Variants in MAD1L1 observed in about 807,000 individuals in gnomAD.
MAD1L1 encodes the protein mitotic arrest deficient 1 like 1, also known as mitotic spindle assembly checkpoint protein MAD1.
In MAD1L1, 95 loss-of-function variants were observed where a neutral mutation model predicts 96.9. The ratio of observed to expected loss-of-function variants is 0.98; its 90% CI spans 0.83 to 1.16. The LOEUF is 1.16. Among genes scored for constraint, MAD1L1 ranks in the 50% most tolerant of loss-of-function variants. MAD1L1 has a pLI of 0.00. For missense variants in MAD1L1, 1,007 were observed against 954.4 expected (o/e 1.06, Z -0.73); for synonymous variants, 473 against 396.6 (o/e 1.19, Z -2.29).
chr7:2,228,261 T>C (rs1283761118), intron 3 of MAD1L1, among the ~76,000 whole-genome samples: 1 of 151,952 alleles, frequency 6.6e-6, no homozygotes, highest in Non-Finnish European at 1.5e-5. Context: ...TTCGCAACAC[T>C]AAAATCACAG....
intron 18 of MAD1L1, among the ~76,000 whole-genome samples, chr7:1,881,797 C>T (rs1785697187): frequency 6.6e-6 from 1 of 152,206 alleles, no homozygotes; most frequent in South Asian, 2.1e-4. Context: ...CGACCCGAGG[C>T]CCATGGTGCC....
intron 10 of MAD1L1, among the ~76,000 whole-genome samples, chr7:2,199,793 G>A (rs571420995): frequency 6.6e-6 from 1 of 152,326 alleles, no homozygotes; most frequent in African/African-American, 2.4e-5. Context: ...CAGACTCCGC[G>A]GTAAGGCCAC....
At chr7:1,980,137 G>A (rs944407598) in intron 15 of MAD1L1, among the ~76,000 whole-genome samples, 8 of 152,114 alleles carry the variant, frequency 5.3e-5, no homozygotes, top group African/African-American at 9.7e-5. Context: ...GCCGGTGGAC[G>A]TGTCTCCCGC....
chr7:1,989,433 G>A (rs1352533119), intron 14 of MAD1L1, among the ~76,000 whole-genome samples: 1 of 152,282 alleles, frequency 6.6e-6, no homozygotes, highest in African/African-American at 2.4e-5. Context: ...GAAGCAACCT[G>A]TTGATCTCCG....
At chr7:1,824,111 G>C (rs1782267559) in intron 18 of MAD1L1, among the ~76,000 whole-genome samples, 1 of 152,154 alleles carries the variant, frequency 6.6e-6, no homozygotes. Context: ...GAAAATGGCA[G>C]GTAGTCAGCC....
intron 11 of MAD1L1, among the ~76,000 whole-genome samples, chr7:2,105,574 C>T (rs1160314905): frequency 3.3e-5 from 5 of 152,240 alleles, no homozygotes; most frequent in South Asian, 2.1e-4. Context: ...CAGGAAGTAA[C>T]GAGGCCAGGA....
At chr7:2,008,773 G>A (rs550471195) in intron 13 of MAD1L1, among the ~76,000 whole-genome samples, 17 of 127,530 alleles carry the variant, frequency 1.3e-4, no homozygotes, top group Middle Eastern at 8.8e-3. Context: ...GGAAGCTCAG[G>A]GGGGGAAGGA....
At chr7:2,102,208 TCACCAC>T (rs1786818035) in intron 11 of MAD1L1, among the ~76,000 whole-genome samples, 1 of 148,050 alleles carries the variant, frequency 6.8e-6, no homozygotes, top group Non-Finnish European at 1.5e-5. Flanking sequence ...ACCGTCACCG[TCACCAC>T]CGCCACCGTC....
intron 10 of MAD1L1, among the ~76,000 whole-genome samples, chr7:2,197,604 C>T (rs1792060915): frequency 6.6e-6 from 1 of 152,200 alleles, no homozygotes; most frequent in Non-Finnish European, 1.5e-5. Flanking sequence ...GCAGAGCTCT[C>T]TGACCCGGTG....
intron 17 of MAD1L1, among the ~76,000 whole-genome samples, chr7:1,918,932 G>A (rs956881268): frequency 1.8e-4 from 28 of 152,114 alleles, no homozygotes; most frequent in Admixed American, 7.9e-4. Context: ...AGAGCACGTG[G>A]CAGGGCAGGG....
At chr7:1,957,030 G>A (rs1221606941) in intron 16 of MAD1L1, among the ~76,000 whole-genome samples, 6 of 152,208 alleles carry the variant, frequency 3.9e-5, no homozygotes, top group Non-Finnish European at 7.3e-5. Context: ...TCTGGTGGGC[G>A]GGCAGCAGCC....
At chr7:2,100,622 G>A (rs998662782) in intron 11 of MAD1L1, among the ~76,000 whole-genome samples, 1 of 152,274 alleles carries the variant, frequency 6.6e-6, no homozygotes, top group African/African-American at 2.4e-5. Context: ...GCTGCAAACC[G>A]GAAGGCGTCC....
intron 18 of MAD1L1, among the ~76,000 whole-genome samples, chr7:1,870,824 CCAT>C (rs1321921798): frequency 0.63 from 44,399 of 70,812 alleles, 16,542 homozygotes; most frequent in African/African-American, 0.8. Context: ...GCTGAACCGA[CCAT>C]AACACCTGCC....
intron 12 of MAD1L1, among the ~76,000 whole-genome samples, chr7:2,058,243 C>G (rs111161360): frequency 1.7e-3 from 1 of 598 alleles, no homozygotes; most frequent in East Asian, 0.028. Context: ...AGAGGAGAGG[C>G]GCGGGGCTGG....
chr7:2,201,134 T>G (rs957613020), intron 10 of MAD1L1, among the ~76,000 whole-genome samples: 1 of 152,134 alleles, frequency 6.6e-6, no homozygotes, highest in Non-Finnish European at 1.5e-5. Flanking sequence ...GAATGTTGGG[T>G]GGGGAGCTGT....
chr7:2,200,110 G>A (rs931265905), intron 10 of MAD1L1, among the ~76,000 whole-genome samples: 7 of 152,178 alleles, frequency 4.6e-5, no homozygotes, highest in African/African-American at 9.6e-5. Flanking sequence ...GCGCACCCAC[G>A]ACAGGTGGAG....
At chr7:2,135,934 C>G (rs1788728031) in intron 11 of MAD1L1, among the ~76,000 whole-genome samples, 1 of 152,128 alleles carries the variant, frequency 6.6e-6, no homozygotes, top group Admixed American at 6.5e-5. Flanking sequence ...TGATCAGGAC[C>G]ACGCGGCCCA....
chr7:2,082,138 C>A (rs960471003), intron 11 of MAD1L1, among the ~76,000 whole-genome samples: 1 of 151,844 alleles, frequency 6.6e-6, no homozygotes, highest in East Asian at 1.9e-4. Flanking sequence ...GGAACACCTG[C>A]GCAGGAGATG....
intron 11 of MAD1L1, among the ~76,000 whole-genome samples, chr7:2,138,337 G>T (rs1251531643): frequency 6.6e-6 from 1 of 152,218 alleles, no homozygotes; most frequent in Non-Finnish European, 1.5e-5. Flanking sequence ...GCAGGCTGGC[G>T]GTGGGGCGGT....
Sources: gnomAD v4.1 joint callset for allele counts (sites outside exome capture counted in the v4.1 genomes callset) on GRCh38, gnomAD v4.1.1 for gene constraint, MANE v1.5 for transcripts, NCBI Gene and HGNC (gene_info 2026-07-23, HGNC 2026-07-21) for gene names.